RDM1: variants seen among roughly 807,000 people sequenced by gnomAD.
RDM1 encodes RAD52 motif-containing protein 1.
Under a neutral mutation model 27.7 loss-of-function variants are expected in RDM1, and 28 were observed. The observed-to-expected ratio is 1.01, with a 90% CI of 0.75 to 1.39. The LOEUF is 1.39. Among genes scored for constraint, RDM1 ranks in the 40% most tolerant of loss-of-function variants. RDM1 has a pLI of 0.00. For missense variants in RDM1, 277 were observed against 337.3 expected, an observed-to-expected ratio of 0.82 and a Z score of 1.40; for synonymous variants, 124 against 127.5, an observed-to-expected ratio of 0.97 and a Z score of 0.19.
intron 1 of RDM1, 117 bp from the exon 2 acceptor site, chr17:35,930,372 C>T: frequency 7.4e-7 from 1 of 1,346,086 alleles, no homozygotes; most frequent in African/African-American, 1.5e-5. Flanking sequence ...ACACTTCCCA[C>T]TTAATCAACA....
In RDM1 at chr17:35,918,201, C is replaced by T; in HGVS notation, c.*141G>A. The T allele has an allele frequency of 1.5e-6, 1 of 673,878 alleles. No individual in the cohort carries two copies. The highest frequency in any genetic ancestry group is 2.6e-6 in the Non-Finnish European group (1 of 380,692). 41.7% of individuals were successfully genotyped at this position (673,878 alleles called of 1,614,324 possible). Reference sequence around the variant, plus strand: ...TCCACCAGAACACCCCTTCCCTCCCCTTCGCCAGGAAAGATTTGGGCGGCC... The same window carrying T: ...TCCACCAGAACACCCCTTCCCTCCCTTTCGCCAGGAAAGATTTGGGCGGCC... On this transcript the variant is annotated 3_prime_UTR_variant, in exon 7 of 7. Transcript: ENST00000620284.
chr17:35,930,605 C>T, intron 1 of RDM1, 27 bp downstream of exon 1: 1 of 1,601,144 alleles, frequency 6.2e-7, no homozygotes, highest in South Asian at 1.1e-5. Context: ...TTTCTCCATC[C>T]CTCCCTCCAT....
rs763134448 is a variant in RDM1 at position 35,925,535 on chromosome 17, A to C, written c.379T>G (p.Cys127Gly). 3.1e-6 allele frequency: 5 copies of C among 1,613,696 alleles called. No homozygotes were observed. The highest frequency in any genetic ancestry group is 2.2e-5 in the South Asian group (2 of 91,050). The change falls in exon 3 of 7, where the codon TGT (cysteine) becomes GGT (glycine). Residue 127 changes from cysteine (C) to glycine (G), a missense_variant. Physicochemically the swap from Cys to Gly is radical, Grantham distance 159. Transcript: ENST00000620284. ...TTTACCTTGATGATCCTTTTGGAAC[A>C]CCCATTGAAACCAAAGTAGTAATTC... ...LANYYFGFNGCSKRIIKLQEL... is the reference protein window; with the variant it reads ...LANYYFGFNGGSKRIIKLQEL...
intron 3 of RDM1, among the ~76,000 whole-genome samples, chr17:35,925,194 A>G (rs2089097901): frequency 6.6e-6 from 1 of 151,858 alleles, no homozygotes; most frequent in African/African-American, 2.4e-5. Flanking sequence ...AAACAACTAC[A>G]CTCCAGTCAT....
chr17:35,921,551 C>T (rs143976260), intron 5 of RDM1, among the ~76,000 whole-genome samples: 4 of 152,186 alleles, frequency 2.6e-5, no homozygotes, highest in African/African-American at 9.6e-5. Context: ...ATAGCATGAC[C>T]AATTCCAAGG....
At chr17:35,927,115 CAAAAAAAA>C (rs955692533) in intron 2 of RDM1, among the ~76,000 whole-genome samples, 2 of 75,474 alleles carry the variant, frequency 2.6e-5, no homozygotes, top group Non-Finnish European at 5.3e-5. Context: ...TTCATTTCAC[CAAAAAAAA>C]AAAAAAAAAA....
chr17:35,930,014 A>C, intron 2 of RDM1, 62 bp downstream of exon 2: 15 of 1,413,022 alleles, frequency 1.1e-5, no homozygotes, highest in African/African-American at 1.4e-5. Context: ...GACAAATGCT[A>C]ACCTATTATT....
chr17:35,923,207 C>G (rs764687473), intron 4 of RDM1, among the ~76,000 whole-genome samples: 1 of 151,486 alleles, frequency 6.6e-6, no homozygotes, highest in Non-Finnish European at 1.5e-5. Flanking sequence ...AAAAATTAGC[C>G]GGGTGTGGTG....
At chr17:35,924,504 T>G in intron 4 of RDM1, 100 bp downstream of exon 4, 31 of 1,286,096 alleles carry the variant, frequency 2.4e-5, no homozygotes, top group Non-Finnish European at 3.1e-5. Flanking sequence ...GGGAGGGGCT[T>G]GATATGTATC....
In RDM1 at chr17:35,918,341, G is replaced by A; in HGVS notation, c.*1C>T. On this transcript the variant is annotated 3_prime_UTR_variant, in exon 7 of 7. Coordinates refer to ENST00000620284, the MANE Select transcript of RDM1 (RefSeq NM_145654.4). The stretch of plus-strand genomic sequence containing the variant: ...ACCTCGCCTTGGGATATTCAGAAAT[G>A]CTAGTCAAGTTCTGGCAGCCTGAAC... 6.2e-7 allele frequency: 1 copy of A among 1,612,598 alleles called. No homozygotes were observed.
At chr17:35,923,128 G>A (rs2089006401) in intron 4 of RDM1, among the ~76,000 whole-genome samples, 1 of 151,968 alleles carries the variant, frequency 6.6e-6, no homozygotes, top group Non-Finnish European at 1.5e-5. Flanking sequence ...TCAATGTGGT[G>A]AAACTTGAGG....
intron 1 of RDM1, 119 bp from the exon 2 acceptor site, chr17:35,930,374 T>A: frequency 7.5e-7 from 1 of 1,328,550 alleles, no homozygotes; most frequent in Non-Finnish European, 1.1e-6. Flanking sequence ...ACTTCCCACT[T>A]AATCAACAGG....
At chr17:35,926,263 T>C (rs908792483) in intron 2 of RDM1, among the ~76,000 whole-genome samples, 1 of 152,244 alleles carries the variant, frequency 6.6e-6, no homozygotes, top group African/African-American at 2.4e-5. Flanking sequence ...AAACATTTTA[T>C]CCATTTTTGT....
chr17:35,929,688 C>T (rs1162762887), intron 2 of RDM1, among the ~76,000 whole-genome samples: 2 of 152,178 alleles, frequency 1.3e-5, no homozygotes, highest in Non-Finnish European at 2.9e-5. Flanking sequence ...GTGATCAGCC[C>T]GCCTCGATCT....
chr17:35,928,112 T>C (rs2089209181), intron 2 of RDM1, among the ~76,000 whole-genome samples: 1 of 151,936 alleles, frequency 6.6e-6, no homozygotes, highest in Non-Finnish European at 1.5e-5. Context: ...CAATGAGGAA[T>C]GGAATATAGA....
At chr17:35,928,580 T>G (rs2089227404) in intron 2 of RDM1, among the ~76,000 whole-genome samples, 1 of 150,372 alleles carries the variant, frequency 6.7e-6, no homozygotes, top group Non-Finnish European at 1.5e-5. Context: ...CTGACCAACA[T>G]GGAGAAACAC....
intron 4 of RDM1, 25 bp downstream of exon 4, chr17:35,924,579 T>C (rs750906096): frequency 1.3e-6 from 2 of 1,595,500 alleles, no homozygotes; most frequent in Non-Finnish European, 1.7e-6. Context: ...ATCCCTACCC[T>C]CCTCCACTCC....
At chr17:35,923,349 C>CAAA (rs1013511994) in intron 4 of RDM1, among the ~76,000 whole-genome samples, 54 of 47,134 alleles carry the variant, frequency 1.1e-3, no homozygotes, top group African/African-American at 2.9e-3. Flanking sequence ...GATTCTGTCT[C>CAAA]AAAAAAAAAA....
Position 35,930,770 on chromosome 17 carries a change from T to C in RDM1, c.-43A>G. The C allele has an allele frequency of 1.3e-6, 2 of 1,589,988 alleles. No individual in the cohort carries two copies. Among genetic ancestry groups the C allele is most frequent in the Non-Finnish European group, 1.7e-6 (2 of 1,164,454 alleles). ...TGCGCGGCTAACCCTCGCCCCAGCATTGCGCCTGCGCAAGGCACGCCCGCG... is the reference window on the plus strand; with the variant it reads ...TGCGCGGCTAACCCTCGCCCCAGCACTGCGCCTGCGCAAGGCACGCCCGCG... On this transcript the variant is annotated 5_prime_UTR_variant, in exon 1 of 7. An upstream start codon of the reference 5' UTR is lost. Coordinates refer to ENST00000620284, the MANE Select transcript of RDM1 (RefSeq NM_145654.4).
Sources: allele counts gnomAD v4.1 joint callset (sites outside exome capture counted in the v4.1 genomes callset), GRCh38; gene constraint gnomAD v4.1.1; transcripts MANE v1.5; gene names NCBI Gene and HGNC (gene_info 2026-07-23, HGNC 2026-07-21).